Variants in MAST4 observed in about 807,000 individuals in gnomAD.
MAST4 encodes the protein microtubule associated serine/threonine kinase family member 4.
In MAST4, 89 loss-of-function variants were observed where a neutral mutation model predicts 162.7. The observed-to-expected ratio is 0.55, with a 90% CI of 0.46 to 0.65. The LOEUF is 0.65. MAST4 is among the 30% of genes least tolerant of loss of function. The pLI, the probability that MAST4 is intolerant of heterozygous loss-of-function variation, is 0.00. For synonymous variants in MAST4, 1,479 were observed against 1,361.1 expected (o/e 1.09, Z -1.91); for missense variants, 3,153 against 3,374.0 (o/e 0.93, Z 1.62).
chr5:66,648,073 T>TGAGAGAGAGA (rs1394688404), intron 1 of MAST4, among the ~76,000 whole-genome samples: 1 of 94,792 alleles, frequency 1.1e-5, no homozygotes, highest in African/African-American at 4.2e-5. Context: ...TGTGTGTGTG[T>TGAGAGAGAGA]GTGTGTGTGT....
At chr5:66,620,937 C>A (rs1381750080) in intron 1 of MAST4, among the ~76,000 whole-genome samples, 2 of 152,246 alleles carry the variant, frequency 1.3e-5, no homozygotes, top group Non-Finnish European at 2.9e-5. Flanking sequence ...AACTGTCCCC[C>A]CTAATTCAGA....
intron 4 of MAST4, among the ~76,000 whole-genome samples, chr5:66,960,738 C>CT (rs1440794094): frequency 2.0e-5 from 3 of 152,094 alleles, no homozygotes; most frequent in Non-Finnish European, 4.4e-5. Flanking sequence ...TCTTCCTTTA[C>CT]TTTTTTTCTT....
In MAST4 at chr5:66,927,419, AG is replaced by A. The variant is rs1764983077; in HGVS notation, c.674+27439del. On this transcript the variant is annotated intron_variant, in intron 4 of 28. Coordinates refer to ENST00000403625, the MANE Select transcript of MAST4 (RefSeq NM_001164664.2). ...ATCACATGTGCAGGTTTTGAAATTTAGGTACCCAATTTAGCAGCATCTGACT... is the reference window on the plus strand; with the variant it reads ...ATCACATGTGCAGGTTTTGAAATTTAGTACCCAATTTAGCAGCATCTGACT... 5.9e-5 allele frequency among the ~76,000 whole-genome samples: 9 copies of A among 152,344 alleles called. No individual in the cohort carries two copies. In the South Asian group the frequency reaches 1.9e-3, roughly 32 times the overall value.
At chr5:67,039,589 A>G (rs904216545) in intron 4 of MAST4, among the ~76,000 whole-genome samples, 2 of 152,236 alleles carry the variant, frequency 1.3e-5, no homozygotes, top group Non-Finnish European at 2.9e-5. Context: ...CTCATTAAAC[A>G]GAAGGCTGGA....
chr5:67,159,280 G>GAA (rs11387605), intron 26 of MAST4, among the ~76,000 whole-genome samples: 1 of 152,102 alleles, frequency 6.6e-6, no homozygotes. Context: ...ACATGCGTGA[G>GAA]AAAAAACCAG....
chr5:66,895,233 A>C (rs1762606076), intron 3 of MAST4, among the ~76,000 whole-genome samples: 1 of 152,160 alleles, frequency 6.6e-6, no homozygotes, highest in African/African-American at 2.4e-5. Context: ...TGGGTATAGC[A>C]ACAGGTCAGT....
intron 4 of MAST4, among the ~76,000 whole-genome samples, chr5:67,000,737 A>C (rs918023285): frequency 6.9e-6 from 1 of 143,958 alleles, no homozygotes; most frequent in Non-Finnish European, 1.5e-5. Context: ...GACAAGAGTG[A>C]AACTCTGTCT....
chr5:67,090,545 G>C (rs1763751906), intron 6 of MAST4, among the ~76,000 whole-genome samples: 1 of 145,970 alleles, frequency 6.9e-6, no homozygotes, highest in African/African-American at 2.6e-5. Context: ...ACTGGCCAAA[G>C]AGCTTAGGCT....
chr5:66,891,884 C>T (rs1044421161), intron 3 of MAST4, among the ~76,000 whole-genome samples: 1 of 152,224 alleles, frequency 6.6e-6, no homozygotes. Context: ...CAGAGAAGTC[C>T]AAATACACGC....
At chr5:66,926,367 G>A (rs1325314327) in intron 4 of MAST4, among the ~76,000 whole-genome samples, 2 of 152,136 alleles carry the variant, frequency 1.3e-5, no homozygotes, top group African/African-American at 4.8e-5. Flanking sequence ...GACAAATATG[G>A]TGAAACCCTA....
chr5:66,718,851 G>A (rs1185856661), intron 1 of MAST4, among the ~76,000 whole-genome samples: 1 of 152,140 alleles, frequency 6.6e-6, no homozygotes, highest in Non-Finnish European at 1.5e-5. Context: ...TTGACTTCGA[G>A]TATAGTTTGT....
At chr5:66,789,725 C>T (rs745798181) in intron 3 of MAST4, 2 of 518,856 alleles carry the variant, frequency 3.9e-6, no homozygotes, top group East Asian at 1.1e-4. Flanking sequence ...CTGATTTCTC[C>T]ACTGTAGTTA....
chr5:66,699,927 A>G (rs952039751), intron 1 of MAST4, among the ~76,000 whole-genome samples: 4 of 152,120 alleles, frequency 2.6e-5, no homozygotes, highest in African/African-American at 7.2e-5. Context: ...TAAAAAAAAA[A>G]ACAAACCCCA....
intron 1 of MAST4, among the ~76,000 whole-genome samples, chr5:66,692,108 T>C (rs1284740477): frequency 1.3e-5 from 2 of 152,136 alleles, no homozygotes; most frequent in African/African-American, 2.4e-5. Flanking sequence ...AGGTATATTA[T>C]ATAAAGTATG....
chr5:66,931,082 T>G (rs987202402), intron 4 of MAST4: 2 of 198,458 alleles, frequency 1.0e-5, no homozygotes, highest in African/African-American at 4.7e-5. Context: ...GAACTTACTT[T>G]ATCTGTAACA....
intron 23 of MAST4, among the ~76,000 whole-genome samples, chr5:67,149,161 G>C (rs1771467293): frequency 6.6e-6 from 1 of 152,134 alleles, no homozygotes; most frequent in Admixed American, 6.5e-5. Context: ...CTTGTGTACA[G>C]GTAGAATGAA....
At chr5:66,599,439 A>G (rs940406920) in intron 1 of MAST4, among the ~76,000 whole-genome samples, 1 of 152,224 alleles carries the variant, frequency 6.6e-6, no homozygotes, top group African/African-American at 2.4e-5. Flanking sequence ...ATTGTGGACC[A>G]TTCAACTTCT....
intron 3 of MAST4, among the ~76,000 whole-genome samples, chr5:66,889,071 T>G (rs1762214391): frequency 6.6e-6 from 1 of 152,246 alleles, no homozygotes; most frequent in African/African-American, 2.4e-5. Flanking sequence ...TTGTAGCTTT[T>G]ATTGATTCTA....
At chr5:66,719,564 A>T (rs567018808) in intron 1 of MAST4, among the ~76,000 whole-genome samples, 1 of 152,094 alleles carries the variant, frequency 6.6e-6, no homozygotes, top group Non-Finnish European at 1.5e-5. Context: ...AATTTATATT[A>T]CTTTAAGTTC....
Sources: gnomAD v4.1 joint callset for allele counts (sites outside exome capture counted in the v4.1 genomes callset) on GRCh38, gnomAD v4.1.1 for gene constraint, MANE v1.5 for transcripts, NCBI Gene and HGNC (gene_info 2026-07-23, HGNC 2026-07-21) for gene names.